C22orf39: variants seen among roughly 807,000 people sequenced by gnomAD.
C22orf39 encodes synaptic plasticity regulator PANTS.
Under a neutral mutation model 18.3 loss-of-function variants are expected in C22orf39, and 20 were observed. The ratio of observed to expected loss-of-function variants is 1.09; its 90% CI spans 0.77 to 1.59. The LOEUF is 1.59. Ranked by LOEUF, C22orf39 falls within the 40% of genes most tolerant of loss-of-function variation. The probability of loss-of-function intolerance (pLI) is 0.00; values close to 1 mark genes in which losing one functional copy is unlikely to be tolerated. For synonymous variants in C22orf39, 63 were observed against 59.6 expected (o/e 1.06, Z -0.26); for missense variants, 195 against 156.1 (o/e 1.25, Z -1.33).
rs1234373363 is a variant in C22orf39 at position 19,447,682 on chromosome 22, C to G, written c.7G>C (p.Asp3His). 2.5e-6 allele frequency: 4 copies of G among 1,610,860 alleles called. No individual in the cohort carries two copies. In the South Asian group the frequency reaches 3.3e-5, roughly 13 times the overall value. Residue 3 changes from aspartate (D) to histidine (H), a missense_variant, in exon 1 of 3, where the codon GAC becomes CAC. Coordinates refer to ENST00000399562, the MANE Select transcript of C22orf39 (RefSeq NM_173793.5). The part of the protein sequence containing the change: MA[D>H]GSGWQPPRPC... ...ACACTCACCTGCCAGCCGCTGCCGT[C>G]CGCCATGTCTGGGCGACCGGCGCGC...
chr22:19,443,098 C>CA lies in C22orf39; in HGVS notation c.*1166_*1167insT. 2 of 906,398 alleles carry CA rather than the reference C, an allele frequency of 2.2e-6. No homozygotes were observed. Among genetic ancestry groups the CA allele is most frequent in the Non-Finnish European group, 2.6e-6 (2 of 759,996 alleles). The allele number at this position is 906,398 out of a possible 1,614,324, so 56.1% of individuals were successfully genotyped here. ...AGCACAACCCCCACCCCCACCCCCA[C>CA]TGTTCACAGACACAGGGGCTCTTAG... On this transcript the variant is annotated 3_prime_UTR_variant, in exon 3 of 3. Coordinates refer to ENST00000399562, the MANE Select transcript of C22orf39 (RefSeq NM_173793.5).
Position 19,447,375 on chromosome 22 carries a change from C to A in C22orf39, c.192+3G>T. The A allele has an allele frequency of 6.7e-7, 1 of 1,492,864 alleles. No homozygotes were observed. Among genetic ancestry groups the A allele is most frequent in the Non-Finnish European group, 8.9e-7 (1 of 1,128,264 alleles). The allele number at this position is 1,492,864 out of a possible 1,614,324, so 92.5% of individuals were successfully genotyped here. On this transcript the variant is annotated splice_donor_region_variant and intron_variant, in intron 2 of 2. Transcript: ENST00000399562. ...AGCGCCGCCCCGCTCCCTCCCGGCG[C>A]ACCTGGGCCTCGGCGTTCCGGCGCT... is the stretch of plus-strand genomic sequence containing the variant.
chr22:19,444,424 T>C (rs2089629772), intron 2 of C22orf39, 34 bp from the exon 3 acceptor site: 1 of 1,583,810 alleles, frequency 6.3e-7, no homozygotes, highest in African/African-American at 1.4e-5. Context: ...CTCCCCAGGC[T>C]CTGAGCACCC....
Position 19,446,317 on chromosome 22 carries a change from T to C in C22orf39, c.192+1061A>G, listed in dbSNP as rs113218202. 2.0e-4 allele frequency among the ~76,000 whole-genome samples: 31 copies of C among 152,212 alleles called. 1 individual carries two copies. The highest frequency in any genetic ancestry group is 6.3e-4 in the African/African-American group (26 of 41,444). ...TTTTTGACTTTCACATATTATGGAA[T>C]AGTCATCATTTTCTTTTATACAGCA... On this transcript the variant is annotated intron_variant, in intron 2 of 2. Coordinates refer to ENST00000399562, the MANE Select transcript of C22orf39 (RefSeq NM_173793.5).
At position 19,444,007 on chromosome 22, in the gene C22orf39, A is replaced by T; in HGVS notation, c.*258T>A. ...GCCCAGCCTGACCTGGCTGCTCACA[A>T]GTACCTGCCATAATGCTTGGCCTCC... On this transcript the variant is annotated 3_prime_UTR_variant, in exon 3 of 3. Coordinates refer to ENST00000399562, the MANE Select transcript of C22orf39 (RefSeq NM_173793.5). 8.2e-7 allele frequency: 1 copy of T among 1,223,794 alleles called. No individual in the cohort carries two copies. Among genetic ancestry groups the T allele is most frequent in the Non-Finnish European group, 1.0e-6 (1 of 981,922 alleles). 75.8% of individuals were successfully genotyped at this position (1,223,794 alleles called of 1,614,324 possible). A position where few individuals can be genotyped will look rare whatever the true frequency, so the allele number is the denominator to read the frequency against.
chr22:19,443,912 C>T lies in C22orf39; in HGVS notation c.*353G>A, dbSNP rs911113342. On this transcript the variant is annotated 3_prime_UTR_variant, in exon 3 of 3. Coordinates refer to ENST00000399562, the MANE Select transcript of C22orf39 (RefSeq NM_173793.5). ...ATTATGACCCACCTGTGTGTCCACA[C>T]AGGTCAGGGCTACCCTTCAGTTTAC... The T allele has an allele frequency of 1.5e-5, 15 of 1,026,682 alleles. No individual in the cohort carries two copies. Among genetic ancestry groups the T allele is most frequent in the Non-Finnish European group, 1.7e-5 (15 of 857,342 alleles). The allele number at this position is 1,026,682 out of a possible 1,614,324, so 63.6% of individuals were successfully genotyped here. A position where few individuals can be genotyped will look rare whatever the true frequency, so the allele number is the denominator to read the frequency against.
At position 19,447,695 on chromosome 22, in the gene C22orf39, G is replaced by C. The variant is rs116701377; in HGVS notation, c.-7C>G. 6.2e-7 allele frequency: 1 copy of C among 1,608,498 alleles called. No homozygotes were observed. Among genetic ancestry groups the C allele is most frequent in the Non-Finnish European group, 8.5e-7 (1 of 1,178,112 alleles). On this transcript the variant is annotated 5_prime_UTR_variant, in exon 1 of 3. Coordinates refer to ENST00000399562, the MANE Select transcript of C22orf39 (RefSeq NM_173793.5). ...AGCCGCTGCCGTCCGCCATGTCTGG[G>C]CGACCGGCGCGCCAAGCCCGCCCCT...
intron 2 of C22orf39, 58 bp from the exon 3 acceptor site, chr22:19,444,448 A>G: frequency 6.5e-7 from 1 of 1,544,072 alleles, no homozygotes; most frequent in Non-Finnish European, 8.7e-7. Context: ...AGACCCCTGT[A>G]CCTCCCCCCT....
Position 19,447,679 on chromosome 22 carries a change from C to G in C22orf39, c.10G>C (p.Gly4Arg). 1.9e-6 allele frequency: 3 copies of G among 1,610,908 alleles called. No homozygotes were observed. Among genetic ancestry groups the G allele is most frequent in the Non-Finnish European group, 2.5e-6 (3 of 1,178,888 alleles). MADGSGWQPPRPCE... is the reference protein window; with the variant it reads MADRSGWQPPRPCE... Reference sequence around the variant, plus strand: ...AGCACACTCACCTGCCAGCCGCTGCCGTCCGCCATGTCTGGGCGACCGGCG... The same window carrying G: ...AGCACACTCACCTGCCAGCCGCTGCGGTCCGCCATGTCTGGGCGACCGGCG... The change falls in exon 1 of 3, where the codon GGC becomes CGC. Residue 4 changes from glycine (G) to arginine (R), a missense_variant. Gly to Arg is a moderately radical substitution (Grantham distance 125). Transcript: ENST00000399562.
At chr22:19,447,266 T>TA in intron 2 of C22orf39, 112 bp downstream of exon 2, 1 of 1,138,358 alleles carries the variant, frequency 8.8e-7, no homozygotes, top group South Asian at 1.9e-5. Flanking sequence ...GTGAGGAGGA[T>TA]AGGGACCCCG....
At position 19,443,284 on chromosome 22, in the gene C22orf39, G is replaced by A. The variant is rs779918959; in HGVS notation, c.*981C>T. The A allele has an allele frequency of 1.8e-4, 180 of 985,366 alleles. No homozygotes were observed. The highest frequency in any genetic ancestry group is 2.1e-4 in the Non-Finnish European group (174 of 829,956). The allele number at this position is 985,366 out of a possible 1,614,324, so 61.0% of individuals were successfully genotyped here. A position where few individuals can be genotyped will look rare whatever the true frequency, so the allele number is the denominator to read the frequency against. Reference sequence around the variant, plus strand: ...AGGGAGGGTGCTGGGCACAGACCCAGCCTAGCCCTCAGCATCACACAACAG... The same window carrying A: ...AGGGAGGGTGCTGGGCACAGACCCAACCTAGCCCTCAGCATCACACAACAG... On this transcript the variant is annotated 3_prime_UTR_variant, in exon 3 of 3. Transcript: ENST00000399562.
In C22orf39 at chr22:19,444,106, T is replaced by C. The variant is rs112229216; in HGVS notation, c.*159A>G. 7.4e-7 allele frequency: 1 copy of C among 1,350,800 alleles called. No homozygotes were observed. Among genetic ancestry groups the C allele is most frequent in the African/African-American group, 1.5e-5 (1 of 65,472 alleles). The allele number at this position is 1,350,800 out of a possible 1,614,324, so 83.7% of individuals were successfully genotyped here. On this transcript the variant is annotated 3_prime_UTR_variant, in exon 3 of 3. Transcript: ENST00000399562. ...GGGTATCCTGCATGCAGGTGAGGGG[T>C]GGGCAAGTAGGGCTAGCAATGTCCT...
chr22:19,444,824 G>A (rs551513563), intron 2 of C22orf39, among the ~76,000 whole-genome samples: 2 of 152,162 alleles, frequency 1.3e-5, no homozygotes, highest in South Asian at 2.1e-4. Flanking sequence ...GAGGAAGACG[G>A]GGAAGAAATA....
Position 19,443,902 on chromosome 22 carries a change from T to A in C22orf39, c.*363A>T. On this transcript the variant is annotated 3_prime_UTR_variant, in exon 3 of 3. Coordinates refer to ENST00000399562, the MANE Select transcript of C22orf39 (RefSeq NM_173793.5). Reference sequence around the variant, plus strand: ...TAGCTACCTCATTATGACCCACCTGTGTGTCCACACAGGTCAGGGCTACCC... The same window carrying A: ...TAGCTACCTCATTATGACCCACCTGAGTGTCCACACAGGTCAGGGCTACCC... 9.8e-7 allele frequency: 1 copy of A among 1,016,484 alleles called. No individual in the cohort carries two copies. The highest frequency in any genetic ancestry group is 1.2e-6 in the Non-Finnish European group (1 of 850,684). 63.0% of individuals were successfully genotyped at this position (1,016,484 alleles called of 1,614,324 possible).
At chr22:19,444,534 C>G in intron 2 of C22orf39, 144 bp from the exon 3 acceptor site, 1 of 758,140 alleles carries the variant, frequency 1.3e-6, no homozygotes, top group Non-Finnish European at 2.0e-6. Flanking sequence ...CTGCTTCCAC[C>G]TACTATACCT....
chr22:19,443,000 A>G lies in C22orf39; in HGVS notation c.*1265T>C. On this transcript the variant is annotated 3_prime_UTR_variant, in exon 3 of 3. Transcript: ENST00000399562. ...GCTGGAGGCACCCTGGTTGCCTTAG[A>G]CACATCAGTACTCCCCTGATGATGG... 2.7e-6 allele frequency: 1 copy of G among 373,152 alleles called. No individual in the cohort carries two copies. The highest frequency in any genetic ancestry group is 3.7e-6 in the Non-Finnish European group (1 of 270,756). The allele number at this position is 373,152 out of a possible 1,614,324, so 23.1% of individuals were successfully genotyped here. A position where few individuals can be genotyped will look rare whatever the true frequency, so the allele number is the denominator to read the frequency against.
intron 2 of C22orf39, among the ~76,000 whole-genome samples, 193 bp from the exon 3 acceptor site, chr22:19,444,583 A>T (rs2089630607): frequency 6.6e-6 from 1 of 152,032 alleles, no homozygotes; most frequent in Non-Finnish European, 1.5e-5. Context: ...GATGGAGATC[A>T]TTTTTTTTCT....
chr22:19,446,287 T>C (rs1188219796), intron 2 of C22orf39, among the ~76,000 whole-genome samples: 2 of 152,242 alleles, frequency 1.3e-5, no homozygotes, highest in Non-Finnish European at 2.9e-5. Context: ...TCAGCTTTCT[T>C]ACTTTTTTTG....
At position 19,444,393 on chromosome 22, in the gene C22orf39, G is replaced by A. The variant is rs2089629534; in HGVS notation, c.193-3C>T. On this transcript the variant is annotated splice_polypyrimidine_tract_variant and splice_region_variant and intron_variant, in intron 2 of 2. Transcript: ENST00000399562. ...CGCTCGCTCTCACAGAGGGATTGCT[G>A]TGCAAATGAGACTCTAGTCACTCCC... The A allele has an allele frequency of 3.1e-6, 5 of 1,596,514 alleles. No homozygotes were observed. The highest frequency in any genetic ancestry group is 2.3e-5 in the East Asian group (1 of 43,612).
Sources: allele counts gnomAD v4.1 joint callset (sites outside exome capture counted in the v4.1 genomes callset), GRCh38; gene constraint gnomAD v4.1.1; transcripts MANE v1.5; gene names NCBI Gene and HGNC (gene_info 2026-07-23, HGNC 2026-07-21).